CYTH3: variants seen among roughly 807,000 people sequenced by gnomAD.
CYTH3 encodes cytohesin 3, also known as cytohesin-3.
In CYTH3, 23 loss-of-function variants were observed where a neutral mutation model predicts 55.1. The ratio of observed to expected loss-of-function variants is 0.42; its 90% confidence interval spans 0.30 to 0.59. CYTH3 has a LOEUF of 0.59. Among genes scored for constraint, CYTH3 ranks in the 20% least tolerant of loss-of-function variants. The probability of loss-of-function intolerance (pLI) is 0.20; values close to 1 mark genes in which losing one functional copy is unlikely to be tolerated. For synonymous variants in CYTH3, 249 were observed against 194.9 expected, an observed-to-expected ratio of 1.28 and a Z score of -2.31; for missense variants, 413 against 524.8, an observed-to-expected ratio of 0.79 and a Z score of 2.08.
At chr7:6,219,187 CTA>C in intron 1 of CYTH3, among the ~76,000 whole-genome samples, 1 of 152,166 alleles carries the variant, frequency 6.6e-6, no homozygotes, top group African/African-American at 2.4e-5. Flanking sequence ...TTTTTGGAAA[CTA>C]TTATATACTA....
rs376990223 is a variant in CYTH3 at position 6,167,895 on chromosome 7, G to A, written c.824-2085C>T. Reference sequence around the variant, plus strand: ...CTCTCAGCTCCACCTTGGGTCCCCCGCTCACACCTCCCATGCAGAGCCCCA... The same window carrying A: ...CTCTCAGCTCCACCTTGGGTCCCCCACTCACACCTCCCATGCAGAGCCCCA... On this transcript the variant is annotated intron_variant, in intron 9 of 12. Transcript: ENST00000350796. This position sits in a 1 kb window ranked among gnomAD's most constrained non-coding sequence, Gnocchi z 5.5. 3.5e-3 allele frequency among the ~76,000 whole-genome samples: 528 copies of A among 152,270 alleles called. 1 individual carries two copies. The highest frequency in any genetic ancestry group is 0.012 in the African/African-American group (504 of 41,556).
intron 1 of CYTH3, among the ~76,000 whole-genome samples, chr7:6,219,929 C>A (rs1305610476): frequency 6.6e-6 from 1 of 152,056 alleles, no homozygotes; most frequent in Non-Finnish European, 1.5e-5. Context: ...CTATATTATT[C>A]AAGACTGTGG....
In CYTH3 at chr7:6,167,423, G is replaced by A. The variant is rs1234754889; in HGVS notation, c.824-1613C>T. ...TTGAACTGCTGTGGCAGAATCAGCT[G>A]ACAGCAACTCCACTACCCTGACATC... On this transcript the variant is annotated intron_variant, in intron 9 of 12. Transcript: ENST00000350796. This position sits in a 1 kb window ranked among gnomAD's most constrained non-coding sequence, Gnocchi z 5.5. Among the ~76,000 whole-genome samples, 2 of 152,178 alleles carry A rather than the reference G, an allele frequency of 1.3e-5. No homozygotes were observed. Among genetic ancestry groups the A allele is most frequent in the Admixed American group, 1.3e-4 (2 of 15,272 alleles).
At chr7:6,205,989 A>C (rs1784178720) in intron 1 of CYTH3, among the ~76,000 whole-genome samples, 1 of 152,030 alleles carries the variant, frequency 6.6e-6, no homozygotes, top group Non-Finnish European at 1.5e-5. Flanking sequence ...CTTAAACCCA[A>C]AACAGAAAAT....
Position 6,216,400 on chromosome 7 carries a change from C to A in CYTH3, c.35-25869G>T, listed in dbSNP as rs938560816. ...ATATATACATATATGCAAACATACA[C>A]CTAGAGCAACCATTTAAAAAGCTAT... On this transcript the variant is annotated intron_variant, in intron 1 of 12. Transcript: ENST00000350796. Among the ~76,000 whole-genome samples the A allele has an allele frequency of 2.0e-5, 3 of 151,808 alleles. No individual in the cohort carries two copies. In the East Asian group the frequency reaches 5.8e-4, roughly 29 times the overall value.
chr7:6,212,564 A>T (rs1480981198), intron 1 of CYTH3: 2 of 152,238 alleles, frequency 1.3e-5, no homozygotes, highest in African/African-American at 4.8e-5. Flanking sequence ...ATATAAAAAA[A>T]AAGTTCTCAA....
At chr7:6,185,503 T>C (rs548490637) in intron 4 of CYTH3, among the ~76,000 whole-genome samples, 132 of 152,170 alleles carry the variant, frequency 8.7e-4, no homozygotes, top group Admixed American at 3.7e-3. Flanking sequence ...GAGACCATCC[T>C]AGCTAACACA....
intron 1 of CYTH3, among the ~76,000 whole-genome samples, chr7:6,222,041 C>T (rs1264147180): frequency 6.6e-6 from 1 of 152,198 alleles, no homozygotes; most frequent in Non-Finnish European, 1.5e-5. Context: ...CGTGACCAGA[C>T]AGAAGGACTT....
intron 1 of CYTH3, among the ~76,000 whole-genome samples, chr7:6,198,856 G>C (rs987848622): frequency 6.6e-6 from 1 of 151,712 alleles, no homozygotes; most frequent in Non-Finnish European, 1.5e-5. Flanking sequence ...CACCCACCAC[G>C]AGCTTCCCTA....
At chr7:6,245,626 C>A (rs540132609) in intron 1 of CYTH3, among the ~76,000 whole-genome samples, 2 of 152,192 alleles carry the variant, frequency 1.3e-5, no homozygotes, top group African/African-American at 4.8e-5. Flanking sequence ...GTTTGGGGGC[C>A]GGGCATGGCA....
At chr7:6,189,357 G>A (rs77152802) in intron 2 of CYTH3, among the ~76,000 whole-genome samples, 3,255 of 151,732 alleles carry the variant, frequency 0.021, 109 homozygotes, top group African/African-American at 0.075. Context: ...TGCCCAGTCC[G>A]CAGTACACTG....
rs184285179 is a variant in CYTH3, at chr7:6,184,567, T to G, written c.249+2483A>C. On this transcript the variant is annotated intron_variant, in intron 4 of 12. Transcript: ENST00000350796. ...GAAGCTGAAACCTGATGCACAGTAG[T>G]GGCATCACTTTATTTATTTACTTAT... is the stretch of plus-strand genomic sequence containing the variant. Among the ~76,000 whole-genome samples, 441 of 152,274 alleles carry G rather than the reference T, an allele frequency of 2.9e-3. 1 individual carries two copies. The highest frequency in any genetic ancestry group is 6.8e-3 in the Middle Eastern group (2 of 294).
chr7:6,206,522 A>G (rs933910503), intron 1 of CYTH3, among the ~76,000 whole-genome samples: 2 of 152,254 alleles, frequency 1.3e-5, no homozygotes, highest in Non-Finnish European at 2.9e-5. Flanking sequence ...GGCTATTTCA[A>G]TTTAGGCAGT....
In CYTH3 at chr7:6,188,862, T is replaced by C. The variant is rs117438318; in HGVS notation, c.118-1141A>G. 1.4e-4 allele frequency: 21 copies of C among 152,330 alleles called. No homozygotes were observed. In the East Asian group the frequency reaches 4.0e-3, roughly 29 times the overall value. The allele number at this position is 152,330 out of a possible 1,614,324, so 9.4% of individuals were successfully genotyped here. ...TCAACCAGAGACCAATTCTGGGTTA[T>C]CTGATTTTCCCAAGAATGAAGGGTA... On this transcript the variant is annotated intron_variant, in intron 2 of 12. Transcript: ENST00000350796.
At chr7:6,174,350 G>T (rs551001190) in intron 5 of CYTH3, among the ~76,000 whole-genome samples, 53 of 150,794 alleles carry the variant, frequency 3.5e-4, no homozygotes, top group Admixed American at 1.2e-3. Context: ...CCCGACCTCA[G>T]GTGATCCGCC....
At chr7:6,259,772 T>TAATATA (rs1491219669) in intron 1 of CYTH3, among the ~76,000 whole-genome samples, 31 of 30,502 alleles carry the variant, frequency 1.0e-3, no homozygotes, top group Non-Finnish European at 1.3e-3. Flanking sequence ...TATATATATA[T>TAATATA]TATATATATA....
intron 10 of CYTH3, 44 bp from the exon 11 acceptor site, chr7:6,165,660 GCCTGAGGGTCCCT>G (rs1171669151): frequency 6.2e-7 from 1 of 1,613,062 alleles, no homozygotes; most frequent in East Asian, 2.2e-5. Context: ...TGGGTCACCA[GCCTGAGGGTCCCT>G]CGGCCCCAGG....
chr7:6,272,205 G>A lies in CYTH3; in HGVS notation c.34+269C>T, dbSNP rs550688101. Reference sequence around the variant, plus strand: ...CACCCAAACCCCGGCCCGAGACTCCGGGGCGACCCCAGCCCGCGGCAGCCC... The same window carrying A: ...CACCCAAACCCCGGCCCGAGACTCCAGGGCGACCCCAGCCCGCGGCAGCCC... On this transcript the variant is annotated intron_variant, in intron 1 of 12. Coordinates refer to ENST00000350796, the MANE Select transcript of CYTH3 (RefSeq NM_004227.4). 3.7e-3 allele frequency among the ~76,000 whole-genome samples: 563 copies of A among 151,546 alleles called. 4 individuals are homozygous for A. Among genetic ancestry groups the A allele is most frequent in the Non-Finnish European group, 2.1e-3 (143 of 67,796 alleles).
intron 1 of CYTH3, among the ~76,000 whole-genome samples, chr7:6,211,639 A>AT (rs2128549343): frequency 6.6e-6 from 1 of 152,238 alleles, no homozygotes; most frequent in East Asian, 1.9e-4. Flanking sequence ...GCCTAAATAT[A>AT]TTCTTTTATT....
Sources: gnomAD v4.1 joint callset for allele counts (sites outside exome capture counted in the v4.1 genomes callset) on GRCh38, gnomAD v4.1.1 for gene constraint, Gnocchi (gnomAD v3.1) non-coding constraint, MANE v1.5 for transcripts, NCBI Gene and HGNC (gene_info 2026-07-23, HGNC 2026-07-21) for gene names.